Variants in DPP10 observed in about 807,000 individuals in gnomAD.
DPP10 encodes the protein dipeptidyl peptidase like 10.
A neutral mutation model predicts 120.9 loss-of-function variants in DPP10; 33 were observed. The observed-to-expected ratio is 0.27, with a 90% CI of 0.21 to 0.37. The LOEUF (loss-of-function observed/expected upper bound fraction) is 0.37, where lower values mean the gene tolerates loss of function less well. Among genes scored for constraint, DPP10 ranks in the 10% least tolerant of loss-of-function variants. DPP10 has a pLI of 1.00. For synonymous variants in DPP10, 337 were observed against 326.1 expected, an observed-to-expected ratio of 1.03 and a Z score of -0.36; for missense variants, 816 against 942.8, an observed-to-expected ratio of 0.87 and a Z score of 1.76.
At chr2:115,606,329 A>G (rs1445019270) in intron 5 of DPP10, among the ~76,000 whole-genome samples, 2 of 152,172 alleles carry the variant, frequency 1.3e-5, no homozygotes, top group Non-Finnish European at 2.9e-5. Flanking sequence ...AATTGCCAAA[A>G]AAAGAATAGA....
intron 1 of DPP10, among the ~76,000 whole-genome samples, chr2:114,574,997 C>T (rs964021354): frequency 1.3e-5 from 2 of 152,066 alleles, no homozygotes; most frequent in Non-Finnish European, 1.5e-5. Flanking sequence ...CTCCTCAAAG[C>T]CCAACTAAAT....
At chr2:115,178,554 A>G (rs575790416) in intron 1 of DPP10, among the ~76,000 whole-genome samples, 1 of 152,330 alleles carries the variant, frequency 6.6e-6, no homozygotes, top group African/African-American at 2.4e-5. Context: ...ATTGGCCTCT[A>G]TTTAATAAAG....
chr2:115,175,728 C>G (rs1408000878), intron 1 of DPP10, among the ~76,000 whole-genome samples: 1 of 152,174 alleles, frequency 6.6e-6, no homozygotes, highest in East Asian at 1.9e-4. Context: ...AATATGATAA[C>G]CACCAGCTAC....
intron 5 of DPP10, among the ~76,000 whole-genome samples, chr2:115,687,821 C>G (rs2091085998): frequency 1.3e-5 from 2 of 152,006 alleles, no homozygotes; most frequent in Non-Finnish European, 2.9e-5. Flanking sequence ...GTTGTTAGGT[C>G]TCAGTGTCTG....
chr2:114,512,089 T>C lies in DPP10; in HGVS notation c.60+69251T>C, dbSNP rs543010547. ...TTGAACATAGCAATGAAGAGTTATT[T>C]TTATTTGGGAAAAAGTGTAGAAATA... On this transcript the variant is annotated intron_variant, in intron 1 of 25. Coordinates refer to ENST00000410059, the MANE Select transcript of DPP10 (RefSeq NM_020868.6). Among the ~76,000 whole-genome samples, 6 of 152,338 alleles carry C rather than the reference T, an allele frequency of 3.9e-5. No individual in the cohort carries two copies. The South Asian group carries it at 1.2e-3, about 32-fold the overall frequency.
chr2:114,700,621 C>T (rs1017266339), intron 1 of DPP10, among the ~76,000 whole-genome samples: 5 of 152,208 alleles, frequency 3.3e-5, no homozygotes, highest in African/African-American at 9.6e-5. Flanking sequence ...TGTCATGCCT[C>T]GGGTTATTTG....
chr2:114,639,289 T>A (rs1017927714), intron 1 of DPP10, among the ~76,000 whole-genome samples: 4 of 151,798 alleles, frequency 2.6e-5, no homozygotes, highest in Non-Finnish European at 4.4e-5. Context: ...CTCATGACAC[T>A]TACTCCCCAT....
intron 1 of DPP10, among the ~76,000 whole-genome samples, chr2:114,637,844 A>G (rs924049870): frequency 6.6e-6 from 1 of 151,572 alleles, no homozygotes; most frequent in African/African-American, 2.4e-5. Flanking sequence ...ATTGGTCTGT[A>G]TGTCTGTTTT....
intron 1 of DPP10, among the ~76,000 whole-genome samples, chr2:115,263,262 T>C (rs146068266): frequency 6.6e-6 from 1 of 152,324 alleles, no homozygotes; most frequent in Admixed American, 6.5e-5. Context: ...GATATTAATA[T>C]CTTGTAACAC....
At chr2:114,863,595 C>T (rs761401176) in intron 1 of DPP10, among the ~76,000 whole-genome samples, 1 of 152,230 alleles carries the variant, frequency 6.6e-6, no homozygotes, top group South Asian at 2.1e-4. Flanking sequence ...CACATGGCTG[C>T]AAACTCGTAG....
At chr2:114,781,301 C>T (rs778940240) in intron 1 of DPP10, among the ~76,000 whole-genome samples, 8 of 152,138 alleles carry the variant, frequency 5.3e-5, no homozygotes, top group Non-Finnish European at 1.2e-4. Flanking sequence ...GTTGGAAAAG[C>T]TCATAGAGGC....
chr2:115,461,475 C>T (rs843425), intron 3 of DPP10, among the ~76,000 whole-genome samples: 81,243 of 151,728 alleles, frequency 0.54, 23,669 homozygotes, highest in Non-Finnish European at 0.67. Flanking sequence ...TATAGTTAAC[C>T]GATATCATAT....
At chr2:115,557,402 C>T (rs2080283428) in intron 5 of DPP10, among the ~76,000 whole-genome samples, 1 of 152,178 alleles carries the variant, frequency 6.6e-6, no homozygotes, top group Non-Finnish European at 1.5e-5. Flanking sequence ...GTCATTTTGA[C>T]ACCACGTAAG....
chr2:114,893,959 A>G (rs1376310513), intron 1 of DPP10, among the ~76,000 whole-genome samples: 1 of 152,044 alleles, frequency 6.6e-6, no homozygotes, highest in Non-Finnish European at 1.5e-5. Context: ...AATCTTTGCT[A>G]TCCTCATTTT....
chr2:115,185,390 A>G (rs895267679), intron 1 of DPP10, among the ~76,000 whole-genome samples: 3 of 152,150 alleles, frequency 2.0e-5, no homozygotes, highest in Non-Finnish European at 4.4e-5. Context: ...ACACCCATTA[A>G]TGTGTATTTA....
rs1286473161 is a variant in DPP10, at chr2:115,376,245, G to A, written c.271+32333G>A. Among the ~76,000 whole-genome samples, 8 of 152,124 alleles carry A rather than the reference G, an allele frequency of 5.3e-5. No individual in the cohort carries two copies. In the South Asian group the frequency reaches 1.5e-3, roughly 28 times the overall value. On this transcript the variant is annotated intron_variant, in intron 3 of 25. Transcript: ENST00000410059. Reference sequence around the variant, plus strand: ...TTATAAATTTTATGAGATCTAATGGGAATGGTAATATACAGCCTAGAATAC... The same window carrying A: ...TTATAAATTTTATGAGATCTAATGGAAATGGTAATATACAGCCTAGAATAC...
chr2:115,615,179 A>G (rs1219497945), intron 5 of DPP10, among the ~76,000 whole-genome samples: 1 of 152,188 alleles, frequency 6.6e-6, no homozygotes, highest in African/African-American at 2.4e-5. Context: ...TAGCTGAGTA[A>G]CATCACTTTT....
chr2:115,753,439 AAT>A (rs1679008076), intron 11 of DPP10, 142 bp downstream of exon 11: 1 of 718,410 alleles, frequency 1.4e-6, no homozygotes, highest in African/African-American at 1.8e-5. Flanking sequence ...TTCTATTAAG[AAT>A]ATATACTTTA....
At chr2:115,369,535 T>C (rs2065274690) in intron 3 of DPP10, among the ~76,000 whole-genome samples, 2 of 152,032 alleles carry the variant, frequency 1.3e-5, no homozygotes, top group Admixed American at 6.6e-5. Context: ...TAACTGAACT[T>C]AAGGGTGAGA....
Sources: allele counts gnomAD v4.1 joint callset (sites outside exome capture counted in the v4.1 genomes callset), GRCh38; gene constraint gnomAD v4.1.1; transcripts MANE v1.5; gene names NCBI Gene and HGNC (gene_info 2026-07-23, HGNC 2026-07-21).